Variants in EIF2AK2 observed in about 807,000 individuals in gnomAD.
The protein encoded by EIF2AK2 is eukaryotic translation initiation factor 2 alpha kinase 2, also known as interferon-induced, double-stranded RNA-activated protein kinase.
Under a neutral mutation model 70.5 loss-of-function variants are expected in EIF2AK2, and 40 were observed. The observed-to-expected ratio is 0.57, with a 90% CI of 0.44 to 0.74. The LOEUF (loss-of-function observed/expected upper bound fraction) is 0.74. Among genes scored for constraint, EIF2AK2 ranks in the 30% least tolerant of loss-of-function variants. The pLI is 0.00. For missense variants in EIF2AK2, 555 were observed against 644.3 expected, an observed-to-expected ratio of 0.86 and a Z score of 1.50; for synonymous variants, 198 against 220.9, an observed-to-expected ratio of 0.90 and a Z score of 0.92.
intron 10 of EIF2AK2, among the ~76,000 whole-genome samples, chr2:37,133,895 C>T (rs1275106626): frequency 6.6e-6 from 1 of 152,108 alleles, no homozygotes; most frequent in Non-Finnish European, 1.5e-5. Context: ...CAAACTTTTT[C>T]CTCCTTTTGT....
chr2:37,136,774 C>A, intron 9 of EIF2AK2: 1 of 389,340 alleles, frequency 2.6e-6, no homozygotes, highest in Non-Finnish European at 4.7e-6. Flanking sequence ...GCGATACCCC[C>A]AAAGTGCTTT....
At position 37,147,836 on chromosome 2, in the gene EIF2AK2, G is replaced by C. The variant is rs188121865; in HGVS notation, c.-16-14C>G. 72 of 1,528,064 alleles carry C rather than the reference G, an allele frequency of 4.7e-5. No individual in the cohort carries two copies. In the African/African-American group the frequency reaches 9.0e-4, roughly 19 times the overall value. 94.7% of individuals were successfully genotyped at this position (1,528,064 alleles called of 1,614,324 possible). A position where few individuals can be genotyped will look rare whatever the true frequency, so the allele number is the denominator to read the frequency against. ...TCTTCCCGTATCCTACAATGGAAGA[G>C]ACATTTGAATGAGTGATGCTCACAG... On this transcript the variant is annotated splice_polypyrimidine_tract_variant and intron_variant, in intron 2 of 16. Coordinates refer to ENST00000233057, the MANE Select transcript of EIF2AK2 (RefSeq NM_001135651.3).
chr2:37,107,462 T>C lies in EIF2AK2; in HGVS notation c.1533+12A>G, dbSNP rs1383133145. ...GAAATAAATAAAATTCTGATGATTT[T>C]CAAGTGCTTACTTCTTTTTTATCAA... On this transcript the variant is annotated intron_variant, in intron 16 of 16. Coordinates refer to ENST00000233057, the MANE Select transcript of EIF2AK2 (RefSeq NM_001135651.3). 3 of 1,612,168 alleles carry C rather than the reference T, an allele frequency of 1.9e-6. No individual in the cohort carries two copies. Among genetic ancestry groups the C allele is most frequent in the South Asian group, 2.2e-5 (2 of 90,508 alleles).
chr2:37,150,589 G>A (rs930671566), intron 1 of EIF2AK2, among the ~76,000 whole-genome samples: 7 of 152,226 alleles, frequency 4.6e-5, no homozygotes, highest in African/African-American at 1.2e-4. Context: ...AATGAGGACC[G>A]CTTGTAGCCG....
At position 37,139,689 on chromosome 2, in the gene EIF2AK2, G is replaced by C. The variant is rs756973509; in HGVS notation, c.458C>G (p.Ala153Gly). 5 of 1,613,962 alleles carry C rather than the reference G, an allele frequency of 3.1e-6. No individual in the cohort carries two copies. Among genetic ancestry groups the C allele is most frequent in the African/African-American group, 2.7e-5 (2 of 75,026 alleles). ...SIGTGSTKQE[A>G]KQLAAKLAYL... ...TGCAAGTTTAGCGGCCAATTGTTTT[G>C]CTTCCTGTTTAGTAGAACCTGTACC... Residue 153 changes from alanine (A) to glycine (G), a missense_variant, in exon 6 of 17, where the codon GCA (alanine) becomes GGA (glycine). By Grantham distance (60) the Ala-to-Gly change is moderately conservative (BLOSUM62 0). Around this residue, in one of 3 missense-constraint regions of EIF2AK2, gnomAD observed 208 missense variants for 191.8 expected, o/e 1.08. Coordinates refer to ENST00000233057, the MANE Select transcript of EIF2AK2 (RefSeq NM_001135651.3).
At chr2:37,127,214 C>T (rs1558417452) in intron 10 of EIF2AK2, among the ~76,000 whole-genome samples, 2 of 152,150 alleles carry the variant, frequency 1.3e-5, no homozygotes, top group Middle Eastern at 3.4e-3. Context: ...GGTATCCACC[C>T]GCTTTCCTCT....
chr2:37,135,663 C>T, intron 9 of EIF2AK2, 117 bp from the exon 10 acceptor site: 1 of 873,676 alleles, frequency 1.1e-6, no homozygotes, highest in Admixed American at 2.6e-5. Flanking sequence ...AGGTCTCACC[C>T]CATCTCCCAG....
At chr2:37,128,752 T>C (rs1044674838) in intron 10 of EIF2AK2, among the ~76,000 whole-genome samples, 7 of 152,178 alleles carry the variant, frequency 4.6e-5, no homozygotes, top group African/African-American at 1.7e-4. Context: ...ATAAAGCCCC[T>C]ATACAAAATC....
At chr2:37,120,204 T>A (rs1439727397) in intron 12 of EIF2AK2, 65 bp from the exon 13 acceptor site, 21 of 1,071,594 alleles carry the variant, frequency 2.0e-5, no homozygotes, top group Non-Finnish European at 2.5e-5. Flanking sequence ...AAATTTTTTA[T>A]AACTTTTTAA....
At chr2:37,125,263 G>A (rs1051131153) in intron 11 of EIF2AK2, among the ~76,000 whole-genome samples, 7 of 152,040 alleles carry the variant, frequency 4.6e-5, no homozygotes, top group Admixed American at 1.3e-4. Context: ...CGCCTGCCAC[G>A]GCCTCCCAAA....
intron 10 of EIF2AK2, 118 bp from the exon 11 acceptor site, chr2:37,126,529 C>A: frequency 7.1e-7 from 1 of 1,408,778 alleles, no homozygotes; most frequent in Non-Finnish European, 9.4e-7. Flanking sequence ...AAATTTGATT[C>A]TCTCCTTCTG....
At position 37,101,861 on chromosome 2, in the gene EIF2AK2, CAAT is replaced by C. The variant is rs1285486399; in HGVS notation, c.*5409_*5411del. On this transcript the variant is annotated 3_prime_UTR_variant, in exon 17 of 17. Transcript: ENST00000233057. ...AATCTTGTCAATTTTTTGAGTGTGA[CAAT>C]GATGCTGTGGTTTTGTTAAAAAGAT... The C allele has an allele frequency of 3.9e-5, 6 of 152,056 alleles. No homozygotes were observed. Among genetic ancestry groups the C allele is most frequent in the Non-Finnish European group, 8.8e-5 (6 of 68,024 alleles). 9.4% of individuals were successfully genotyped at this position (152,056 alleles called of 1,614,324 possible). A position where few individuals can be genotyped will look rare whatever the true frequency, so the allele number is the denominator to read the frequency against.
In EIF2AK2 at chr2:37,120,945, T is replaced by C. The variant is rs1234962527; in HGVS notation, c.1068-806A>G. Among the ~76,000 whole-genome samples the C allele has an allele frequency of 6.5e-5, 9 of 138,688 alleles. 1 individual carries two copies. The highest frequency in any genetic ancestry group is 3.9e-4 in the Admixed American group (5 of 12,782). 91.0% of individuals were successfully genotyped at this position (138,688 alleles called of 152,430 possible). On this transcript the variant is annotated intron_variant, in intron 12 of 16. Coordinates refer to ENST00000233057, the MANE Select transcript of EIF2AK2 (RefSeq NM_001135651.3). ...CGCCATTGTGCTCCCGCATGAGCGA[T>C]AGAGTAAGACTCTGTCTCAAAAAAA... is the stretch of plus-strand genomic sequence containing the variant.
At chr2:37,111,258 C>T (rs1489222678) in intron 14 of EIF2AK2, among the ~76,000 whole-genome samples, 2 of 152,024 alleles carry the variant, frequency 1.3e-5, no homozygotes, top group Admixed American at 6.6e-5. Context: ...ACACATTTAA[C>T]GCCACTAAAC....
rs1573001929 is a variant in EIF2AK2, at chr2:37,114,984, CA to C, written c.1249-126del. The stretch of plus-strand genomic sequence containing the variant: ...AGACCTTTACCCTTACACAGGTAGC[CA>C]AAATCAGGGAATTTAATATGACTCG... On this transcript the variant is annotated intron_variant, in intron 13 of 16. Transcript: ENST00000233057. 5 of 493,786 alleles carry C rather than the reference CA, an allele frequency of 1.0e-5. No individual in the cohort carries two copies. The East Asian group carries it at 2.0e-4, about 20-fold the overall frequency. The allele number at this position is 493,786 out of a possible 1,614,324, so 30.6% of individuals were successfully genotyped here. A position where few individuals can be genotyped will look rare whatever the true frequency, so the allele number is the denominator to read the frequency against.
Position 37,106,993 on chromosome 2 carries a change from G to T in EIF2AK2, c.*280C>A, listed in dbSNP as rs1673983812. 4 of 241,880 alleles carry T rather than the reference G, an allele frequency of 1.7e-5. No individual in the cohort carries two copies. Among genetic ancestry groups the T allele is most frequent in the Non-Finnish European group, 2.3e-5 (3 of 129,194 alleles). The allele number at this position is 241,880 out of a possible 1,614,324, so 15.0% of individuals were successfully genotyped here. A position where few individuals can be genotyped will look rare whatever the true frequency, so the allele number is the denominator to read the frequency against. On this transcript the variant is annotated 3_prime_UTR_variant, in exon 17 of 17. Coordinates refer to ENST00000233057, the MANE Select transcript of EIF2AK2 (RefSeq NM_001135651.3). Reference sequence around the variant, plus strand: ...AGAGGCAGAAGTTGCAGTGAGCCAAGACTGTGTCATTGCACTCCAGCCTGG... The same window carrying T: ...AGAGGCAGAAGTTGCAGTGAGCCAATACTGTGTCATTGCACTCCAGCCTGG...
At chr2:37,127,568 C>G (rs1674786238) in intron 10 of EIF2AK2, among the ~76,000 whole-genome samples, 1 of 152,114 alleles carries the variant, frequency 6.6e-6, no homozygotes, top group Non-Finnish European at 1.5e-5. Flanking sequence ...CCTTTTCCAT[C>G]TTTACCTTCT....
intron 2 of EIF2AK2, 74 bp downstream of exon 2, chr2:37,148,783 C>T (rs1675644763): frequency 1.2e-6 from 1 of 822,650 alleles, no homozygotes; most frequent in East Asian, 2.4e-5. Context: ...AAAAACTAGC[C>T]CCCCAGAATT....
chr2:37,127,417 AC>A (rs1315520412), intron 10 of EIF2AK2, among the ~76,000 whole-genome samples: 1 of 152,142 alleles, frequency 6.6e-6, no homozygotes, highest in African/African-American at 2.4e-5. Context: ...TTCCACAAAA[AC>A]AAAAAGCCCT....
Sources: gnomAD v4.1 joint callset for allele counts (sites outside exome capture counted in the v4.1 genomes callset) on GRCh38, gnomAD v4.1.1 for gene constraint, gnomAD v4.1.1 regional missense constraint, MANE v1.5 for transcripts, NCBI Gene and HGNC (gene_info 2026-07-23, HGNC 2026-07-21) for gene names.